Variants in COL23A1 observed in about 807,000 individuals in gnomAD.
COL23A1 encodes collagen type XXIII alpha 1 chain.
In COL23A1, 97 loss-of-function variants were observed where a neutral mutation model predicts 99.3. The ratio of observed to expected loss-of-function variants is 0.98; its 90% confidence interval spans 0.83 to 1.16. COL23A1 has a LOEUF of 1.16. COL23A1 is among the 50% of genes most tolerant of loss of function. The probability of loss-of-function intolerance (pLI) is 0.00; values close to 1 mark genes in which losing one functional copy is unlikely to be tolerated. For synonymous variants in COL23A1, 320 were observed against 308.2 expected, an observed-to-expected ratio of 1.04 and a Z score of -0.40; for missense variants, 762 against 757.4, an observed-to-expected ratio of 1.01 and a Z score of -0.07.
intron 2 of COL23A1, among the ~76,000 whole-genome samples, chr5:178,489,725 C>A (rs1256575131): frequency 1.3e-5 from 2 of 152,208 alleles, no homozygotes; most frequent in South Asian, 4.1e-4. Flanking sequence ...CTGACCCCAG[C>A]TTCTTGCACC....
chr5:178,306,050 C>G lies in COL23A1; in HGVS notation c.406+825G>C, dbSNP rs2913763. ...GGAGAGGACATGGTCAGTGTCACAGCAGTGGGAGACTGTGGGAGAGAGGAG... is the reference window on the plus strand; with the variant it reads ...GGAGAGGACATGGTCAGTGTCACAGGAGTGGGAGACTGTGGGAGAGAGGAG... On this transcript the variant is annotated intron_variant, in intron 3 of 28. Coordinates refer to ENST00000390654, the MANE Select transcript of COL23A1 (RefSeq NM_173465.4). The surrounding 1 kb of genome is among the most constrained non-coding windows in gnomAD (Gnocchi z 4.1). 0.76 allele frequency among the ~76,000 whole-genome samples: 114,744 copies of G among 151,884 alleles called. 43,907 individuals carry two copies. Among genetic ancestry groups the G allele is most frequent in the African/African-American group, 0.79 (32,917 of 41,426 alleles).
chr5:178,381,748 G>A (rs1581269358), intron 2 of COL23A1, among the ~76,000 whole-genome samples: 3 of 152,050 alleles, frequency 2.0e-5, no homozygotes, highest in South Asian at 2.1e-4. Flanking sequence ...CAATCCTCCC[G>A]CTTCGGCCTT....
At chr5:178,531,981 AG>A (rs1275717778) in intron 2 of COL23A1, among the ~76,000 whole-genome samples, 1 of 152,242 alleles carries the variant, frequency 6.6e-6, no homozygotes, top group East Asian at 1.9e-4. Flanking sequence ...CAGGTGACAC[AG>A]CCCCCAGCTG....
intron 2 of COL23A1, among the ~76,000 whole-genome samples, chr5:178,446,054 C>A (rs1374213932): frequency 1.3e-5 from 2 of 151,772 alleles, no homozygotes; most frequent in African/African-American, 4.8e-5. Context: ...TACGTTAATT[C>A]AAATTAAACA....
intron 2 of COL23A1, among the ~76,000 whole-genome samples, chr5:178,357,814 GTA>G (rs1223506772): frequency 9.9e-5 from 15 of 150,778 alleles, no homozygotes; most frequent in Non-Finnish European, 2.1e-4. Context: ...GTGTATGTGT[GTA>G]TGTGTGTTTA....
intron 17 of COL23A1, among the ~76,000 whole-genome samples, chr5:178,250,377 A>G (rs543671928): frequency 6.6e-6 from 1 of 152,340 alleles, no homozygotes; most frequent in South Asian, 2.1e-4. Flanking sequence ...GAGCCCAGGA[A>G]CAACGATGCC....
At chr5:178,331,271 C>T (rs140197087) in intron 2 of COL23A1, among the ~76,000 whole-genome samples, 188 of 152,346 alleles carry the variant, frequency 1.2e-3, no homozygotes, top group African/African-American at 4.1e-3. Context: ...CTGGGTATAT[C>T]TGGCAGAGGC....
At position 178,255,031 on chromosome 5, in the gene COL23A1, G is replaced by A. The variant is rs1390961032; in HGVS notation, c.883-5C>T. ...GCCCTTGAGGCCTGGGGCACCCTGAGGCAGGAAGAAGAGTAAGAATTTCAG... is the reference window on the plus strand; with the variant it reads ...GCCCTTGAGGCCTGGGGCACCCTGAAGCAGGAAGAAGAGTAAGAATTTCAG... On this transcript the variant is annotated splice_polypyrimidine_tract_variant and splice_region_variant and intron_variant, in intron 15 of 28. Coordinates refer to ENST00000390654, the MANE Select transcript of COL23A1 (RefSeq NM_173465.4). The surrounding 1 kb of genome is among the most constrained non-coding windows in gnomAD (Gnocchi z 4.2). The A allele has an allele frequency of 5.6e-6, 9 of 1,612,652 alleles. No individual in the cohort carries two copies. Among genetic ancestry groups the A allele is most frequent in the Non-Finnish European group, 6.8e-6 (8 of 1,178,918 alleles).
At chr5:178,579,831 C>T (rs1172572189) in intron 1 of COL23A1, among the ~76,000 whole-genome samples, 1 of 152,196 alleles carries the variant, frequency 6.6e-6, no homozygotes, top group East Asian at 1.9e-4. Context: ...GCAGAAAAAG[C>T]TGCTGCTCAA....
chr5:178,454,258 G>A (rs781087336), intron 2 of COL23A1, among the ~76,000 whole-genome samples: 1 of 149,730 alleles, frequency 6.7e-6, no homozygotes, highest in Non-Finnish European at 1.5e-5. Flanking sequence ...GACATGAAAT[G>A]AAAAAGCTCA....
chr5:178,322,704 G>T lies in COL23A1; in HGVS notation c.362-15785C>A, dbSNP rs114300156. On this transcript the variant is annotated intron_variant, in intron 2 of 28. Transcript: ENST00000390654. ...TTCCTCCGTCTCAAAATGGGCATTT[G>T]TACCCAATCCCAGGGCCTGTCACTC... is the stretch of plus-strand genomic sequence containing the variant. Among the ~76,000 whole-genome samples the T allele has an allele frequency of 4.0e-3, 605 of 152,302 alleles. 5 individuals carry two copies. Among genetic ancestry groups the T allele is most frequent in the African/African-American group, 0.014 (582 of 41,568 alleles).
At chr5:178,547,482 C>CCCACAA (rs1761657848) in intron 2 of COL23A1, among the ~76,000 whole-genome samples, 1 of 140,176 alleles carries the variant, frequency 7.1e-6, no homozygotes, top group Non-Finnish European at 1.6e-5. Flanking sequence ...CACACCCACA[C>CCCACAA]ACACACCCAC....
At chr5:178,452,225 G>A (rs1487262776) in intron 2 of COL23A1, among the ~76,000 whole-genome samples, 2 of 152,204 alleles carry the variant, frequency 1.3e-5, no homozygotes, top group Non-Finnish European at 2.9e-5. Flanking sequence ...TTTAATTTAT[G>A]AGGAAGGTGA....
intron 2 of COL23A1, among the ~76,000 whole-genome samples, chr5:178,376,684 C>T (rs777172794): frequency 4.6e-5 from 7 of 152,202 alleles, no homozygotes; most frequent in Non-Finnish European, 8.8e-5. Flanking sequence ...TGCCCAAGGC[C>T]ACACAGCTAG....
At chr5:178,522,673 G>A (rs954321948) in intron 2 of COL23A1, among the ~76,000 whole-genome samples, 5 of 152,172 alleles carry the variant, frequency 3.3e-5, no homozygotes, top group African/African-American at 1.2e-4. Flanking sequence ...TGGAGGGCAC[G>A]ATAGACGCGC....
intron 2 of COL23A1, among the ~76,000 whole-genome samples, chr5:178,487,705 C>G (rs1044857696): frequency 3.3e-5 from 5 of 152,104 alleles, no homozygotes; most frequent in African/African-American, 1.2e-4. Context: ...GGATAAGTGA[C>G]AGTGGAGGCA....
At chr5:178,248,655 C>T (rs2973754) in intron 19 of COL23A1, among the ~76,000 whole-genome samples, 112,811 of 151,958 alleles carry the variant, frequency 0.74, 42,043 homozygotes, top group Middle Eastern at 0.86. Context: ...CAACAGTGGG[C>T]ATTTGCTGTG....
intron 2 of COL23A1, among the ~76,000 whole-genome samples, chr5:178,515,704 T>C (rs1421615651): frequency 6.6e-6 from 1 of 152,166 alleles, no homozygotes; most frequent in Non-Finnish European, 1.5e-5. Flanking sequence ...GTCCCGGCTC[T>C]GCGGCTACAG....
intron 2 of COL23A1, among the ~76,000 whole-genome samples, chr5:178,318,699 C>T (rs1246768393): frequency 5.3e-5 from 8 of 152,110 alleles, no homozygotes; most frequent in Admixed American, 2.0e-4. Context: ...GTCAGGAGTT[C>T]GAGACCAGCC....
Sources: allele counts gnomAD v4.1 joint callset (sites outside exome capture counted in the v4.1 genomes callset), GRCh38; gene constraint gnomAD v4.1.1; non-coding constraint Gnocchi (gnomAD v3.1); transcripts MANE v1.5; gene names NCBI Gene and HGNC (gene_info 2026-07-23, HGNC 2026-07-21).